Variants in RBFOX1 observed in about 807,000 individuals in gnomAD.
RBFOX1 encodes RNA binding fox-1 homolog 1.
Under a neutral mutation model 57.7 loss-of-function variants are expected in RBFOX1, and 8 were observed. The ratio of observed to expected loss-of-function variants is 0.14; its 90% CI spans 0.08 to 0.25. The LOEUF (loss-of-function observed/expected upper bound fraction) is 0.25. RBFOX1 is among the 10% of genes least tolerant of loss of function. The pLI is 1.00. For missense variants in RBFOX1, 611 were observed against 548.5 expected (o/e 1.11, Z -1.14); for synonymous variants, 326 against 222.4 (o/e 1.47, Z -4.15).
intron 1 of RBFOX1, among the ~76,000 whole-genome samples, chr16:5,283,912 T>G (rs867362625): frequency 5.3e-5 from 8 of 151,738 alleles, no homozygotes; most frequent in Non-Finnish European, 8.8e-5. Flanking sequence ...GGACATGAGA[T>G]TTGGGAGGGG....
At chr16:7,534,467 T>C (rs1021532975) in intron 5 of RBFOX1, among the ~76,000 whole-genome samples, 1 of 152,112 alleles carries the variant, frequency 6.6e-6, no homozygotes, top group Admixed American at 6.5e-5. Context: ...CTGATGCCTT[T>C]CTCTGAAGCT....
intron 3 of RBFOX1, among the ~76,000 whole-genome samples, chr16:5,704,271 C>A (rs1265330615): frequency 6.6e-6 from 1 of 152,018 alleles, no homozygotes; most frequent in African/African-American, 2.4e-5. Flanking sequence ...AAAGAGAAGC[C>A]CCAGCCAAAC....
At chr16:5,770,140 G>T (rs1286132852) in intron 3 of RBFOX1, among the ~76,000 whole-genome samples, 1 of 152,156 alleles carries the variant, frequency 6.6e-6, no homozygotes, top group Non-Finnish European at 1.5e-5. Flanking sequence ...AATGTTTGAA[G>T]TGATGAGCTA....
intron 1 of RBFOX1, among the ~76,000 whole-genome samples, chr16:5,447,378 ATCTCTCTCTCTCTC>A: frequency 7.4e-6 from 1 of 134,460 alleles, no homozygotes; most frequent in African/African-American, 3.0e-5. Flanking sequence ...CAATCAATCA[ATCTCTCTCTCTCTC>A]TCTCTCTCTC....
intron 3 of RBFOX1, among the ~76,000 whole-genome samples, chr16:6,957,116 T>TTTTATTTATTTATTTATTTATTTATTTA (rs59003078): frequency 9.3e-5 from 13 of 139,244 alleles, no homozygotes; most frequent in South Asian, 2.3e-4. Flanking sequence ...TTATTTTTAT[T>TTTTATTTATTTATTTATTTATTTATTTA]TTTATTTATT....
intron 4 of RBFOX1, among the ~76,000 whole-genome samples, chr16:5,890,304 C>G (rs1198961413): frequency 2.0e-5 from 3 of 152,204 alleles, no homozygotes; most frequent in East Asian, 3.8e-4. Flanking sequence ...TTCATGTTGA[C>G]TGACTTTACC....
At chr16:5,243,457 G>A (rs1292883756) in intron 1 of RBFOX1, among the ~76,000 whole-genome samples, 1 of 152,124 alleles carries the variant, frequency 6.6e-6, no homozygotes. Context: ...GGGTTTCTCA[G>A]CTTTGGCACC....
rs555532890 is a variant in RBFOX1, at chr16:6,714,217, A to G, written c.-16+59567A>G. On this transcript the variant is annotated intron_variant, in intron 3 of 15. Transcript: ENST00000550418. ...TTCTGCCAAGATTGTAGGTTTCCTG[A>G]GGCCTCTCCAGCCATGCAGAACTGT... 2.0e-5 allele frequency among the ~76,000 whole-genome samples: 3 copies of G among 152,314 alleles called. No individual in the cohort carries two copies. The East Asian group carries it at 5.8e-4, about 29-fold the overall frequency.
intron 2 of RBFOX1, among the ~76,000 whole-genome samples, chr16:6,424,512 G>C (rs2093866119): frequency 6.6e-6 from 1 of 152,106 alleles, no homozygotes; most frequent in African/African-American, 2.4e-5. Flanking sequence ...CTACTGCTCA[G>C]CATCTTTCAG....
At chr16:5,316,919 A>T (rs1001944993) in intron 1 of RBFOX1, among the ~76,000 whole-genome samples, 5 of 152,138 alleles carry the variant, frequency 3.3e-5, no homozygotes, top group Non-Finnish European at 5.9e-5. Flanking sequence ...CTGGGGTCTC[A>T]GAGGAACAAA....
At chr16:7,598,915 T>G (rs759236657) in intron 9 of RBFOX1, among the ~76,000 whole-genome samples, 11 of 152,234 alleles carry the variant, frequency 7.2e-5, no homozygotes, top group Non-Finnish European at 7.3e-5. Context: ...TATCATTTGG[T>G]AGTTTTGATT....
intron 2 of RBFOX1, among the ~76,000 whole-genome samples, chr16:6,400,715 C>T (rs568934378): frequency 3.9e-5 from 6 of 152,164 alleles, no homozygotes; most frequent in East Asian, 3.9e-4. Context: ...CTGGCCAACA[C>T]GGTGAAACCC....
chr16:6,186,816 C>T (rs1203359110), intron 1 of RBFOX1, among the ~76,000 whole-genome samples: 1 of 152,098 alleles, frequency 6.6e-6, no homozygotes, highest in East Asian at 1.9e-4. Context: ...GTCAATCCTC[C>T]ATGTGGGCAG....
chr16:6,882,961 A>G (rs1030079859), intron 3 of RBFOX1, among the ~76,000 whole-genome samples: 4 of 152,178 alleles, frequency 2.6e-5, no homozygotes, highest in East Asian at 1.9e-4. Context: ...TGCTTTAGCA[A>G]TCAATAAATT....
intron 4 of RBFOX1, among the ~76,000 whole-genome samples, chr16:7,476,638 G>C (rs1341002028): frequency 1.3e-5 from 2 of 152,088 alleles, no homozygotes; most frequent in Non-Finnish European, 2.9e-5. Flanking sequence ...AAGGATGCCT[G>C]GAAATTTCAC....
intron 4 of RBFOX1, among the ~76,000 whole-genome samples, chr16:7,240,365 A>C (rs1398131572): frequency 6.6e-6 from 1 of 152,184 alleles, no homozygotes; most frequent in African/African-American, 2.4e-5. Context: ...GATCTTCACT[A>C]TGTTATACTT....
intron 3 of RBFOX1, among the ~76,000 whole-genome samples, chr16:6,695,434 A>G (rs963695185): frequency 6.9e-5 from 5 of 72,136 alleles, no homozygotes; most frequent in Non-Finnish European, 1.8e-4. Context: ...AAAAAAAAAA[A>G]AAAGGAAAGG....
intron 2 of RBFOX1, among the ~76,000 whole-genome samples, chr16:6,629,972 T>A (rs199735894): frequency 0.016 from 1,191 of 75,866 alleles, 11 homozygotes; most frequent in Admixed American, 0.067. Context: ...TTTTTTTTTT[T>A]TAAAAAAAAA....
chr16:7,217,286 A>C (rs117624230), intron 4 of RBFOX1, among the ~76,000 whole-genome samples: 8,712 of 76,860 alleles, frequency 0.11, 448 homozygotes, highest in South Asian at 0.14. Context: ...TTTTTTTCTT[A>C]TTCTTCTTTT....
Sources: gnomAD v4.1 joint callset for allele counts (sites outside exome capture counted in the v4.1 genomes callset) on GRCh38, gnomAD v4.1.1 for gene constraint, MANE v1.5 for transcripts, NCBI Gene and HGNC (gene_info 2026-07-23, HGNC 2026-07-21) for gene names.